STPG2: variants seen among roughly 807,000 people sequenced by gnomAD.
STPG2 encodes the protein sperm-tail PG-rich repeat-containing protein 2.
In STPG2, 56 loss-of-function variants were observed where a neutral mutation model predicts 54.2. The observed-to-expected ratio is 1.03, with a 90% CI of 0.83 to 1.29. The LOEUF (loss-of-function observed/expected upper bound fraction) is 1.29. STPG2 is among the 50% of genes most tolerant of loss of function. The pLI, the probability that STPG2 is intolerant of heterozygous loss-of-function variation, is 0.00. For missense variants in STPG2, 596 were observed against 544.9 expected, an observed-to-expected ratio of 1.09 and a Z score of -0.93; for synonymous variants, 200 against 181.8, an observed-to-expected ratio of 1.10 and a Z score of -0.81.
At chr4:97,905,388 T>C (rs1246724255) in intron 8 of STPG2, among the ~76,000 whole-genome samples, 1 of 151,660 alleles carries the variant, frequency 6.6e-6, no homozygotes, top group Non-Finnish European at 1.5e-5. Flanking sequence ...ATAAAATACT[T>C]TACAGACAAG....
intron 9 of STPG2, among the ~76,000 whole-genome samples, chr4:97,744,232 T>G (rs1163126116): frequency 1.3e-5 from 2 of 151,392 alleles, no homozygotes; most frequent in Non-Finnish European, 3.0e-5. Flanking sequence ...CCTATAAAAA[T>G]AATTTCATTT....
intron 5 of STPG2, among the ~76,000 whole-genome samples, chr4:98,021,564 G>A (rs894169681): frequency 2.0e-5 from 3 of 151,958 alleles, no homozygotes; most frequent in African/African-American, 7.3e-5. Flanking sequence ...TTAATTCCTG[G>A]GTATCCTTGT....
intron 10 of STPG2, among the ~76,000 whole-genome samples, chr4:97,671,348 G>T (rs1042606320): frequency 6.6e-6 from 1 of 152,174 alleles, no homozygotes; most frequent in Non-Finnish European, 1.5e-5. Flanking sequence ...ACAGGCAACA[G>T]CAATATATGG....
intron 9 of STPG2, among the ~76,000 whole-genome samples, chr4:97,791,296 T>C (rs1021510591): frequency 5.3e-5 from 8 of 152,184 alleles, no homozygotes; most frequent in Admixed American, 1.3e-4. Flanking sequence ...GAATTTAATT[T>C]AATTTCTACA....
At chr4:97,831,586 C>T (rs1728464159) in intron 9 of STPG2, among the ~76,000 whole-genome samples, 1 of 152,062 alleles carries the variant, frequency 6.6e-6, no homozygotes, top group Non-Finnish European at 1.5e-5. Context: ...AATCCAGGAG[C>T]TGCTTTTTTG....
At chr4:97,964,762 A>G (rs529548887) in intron 7 of STPG2, among the ~76,000 whole-genome samples, 52 of 152,274 alleles carry the variant, frequency 3.4e-4, no homozygotes, top group African/African-American at 1.1e-3. Flanking sequence ...CACACTATAC[A>G]TCTTAAAACT....
At chr4:98,071,104 G>C (rs976309086) in intron 5 of STPG2, among the ~76,000 whole-genome samples, 11 of 151,710 alleles carry the variant, frequency 7.3e-5, no homozygotes, top group Non-Finnish European at 1.3e-4. Context: ...AGCCCAAATA[G>C]CCAAAGAAAT....
rs566714211 is a variant in STPG2, at chr4:97,967,882, T to C, written c.933+4398A>G. On this transcript the variant is annotated intron_variant, in intron 7 of 10. Coordinates refer to ENST00000295268, the MANE Select transcript of STPG2 (RefSeq NM_174952.3). The stretch of plus-strand genomic sequence containing the variant: ...GCAGGGTGTAGAGGGAAATTTATAC[T>C]ACTAAATGCCCACAAGAGAAAGCAG... Among the ~76,000 whole-genome samples, 8 of 152,160 alleles carry C rather than the reference T, an allele frequency of 5.3e-5. No individual in the cohort carries two copies. The South Asian group carries it at 1.5e-3, about 28-fold the overall frequency.
chr4:97,963,184 C>CAAAA (rs1553929363), intron 7 of STPG2, among the ~76,000 whole-genome samples: 10 of 150,506 alleles, frequency 6.6e-5, no homozygotes, highest in Admixed American at 1.3e-4. Flanking sequence ...AACAAACAAA[C>CAAAA]AAAAAAACAA....
At chr4:97,644,217 G>A (rs1454041532) in intron 10 of STPG2, among the ~76,000 whole-genome samples, 1 of 151,736 alleles carries the variant, frequency 6.6e-6, no homozygotes, top group Non-Finnish European at 1.5e-5. Context: ...GTACCTGAGT[G>A]ACATATTTCT....
intron 8 of STPG2, among the ~76,000 whole-genome samples, chr4:97,857,087 G>A (rs1014129581): frequency 5.9e-5 from 9 of 152,098 alleles, no homozygotes; most frequent in Non-Finnish European, 8.8e-5. Context: ...TTTTGTTATC[G>A]ATGTTCACCA....
chr4:98,140,830 G>T (rs921758619), intron 1 of STPG2, among the ~76,000 whole-genome samples: 1 of 152,110 alleles, frequency 6.6e-6, no homozygotes, highest in Admixed American at 6.5e-5. Context: ...TTAAAAAGAA[G>T]AGAAAAACAA....
At chr4:98,013,077 G>C (rs565740156) in intron 5 of STPG2, among the ~76,000 whole-genome samples, 2 of 152,140 alleles carry the variant, frequency 1.3e-5, no homozygotes, top group Non-Finnish European at 2.9e-5. Flanking sequence ...GTATGATACT[G>C]GCTGTTGGTT....
At chr4:97,691,966 C>T (rs1180427267) in intron 10 of STPG2, among the ~76,000 whole-genome samples, 1 of 152,114 alleles carries the variant, frequency 6.6e-6, no homozygotes, top group Non-Finnish European at 1.5e-5. Context: ...AAAGCCCCAT[C>T]CCTGGGGAAA....
At chr4:97,711,529 C>T (rs372269092) in intron 10 of STPG2, among the ~76,000 whole-genome samples, 2 of 152,100 alleles carry the variant, frequency 1.3e-5, no homozygotes, top group South Asian at 4.1e-4. Flanking sequence ...AACCAGCAGG[C>T]ATTAGTCTTT....
chr4:98,125,483 C>T (rs950497386), intron 3 of STPG2, among the ~76,000 whole-genome samples: 3 of 152,148 alleles, frequency 2.0e-5, no homozygotes, highest in Non-Finnish European at 4.4e-5. Flanking sequence ...GTCCCTCCCC[C>T]ACCTGGAGGC....
chr4:97,741,761 T>C lies in STPG2; in HGVS notation c.1205-28947A>G, dbSNP rs1725244204. Reference sequence around the variant, plus strand: ...AGAAATAGGAACACTTTTACACTGTTGGTGGGACTGTAAACTAGTTCAACC... The same window carrying C: ...AGAAATAGGAACACTTTTACACTGTCGGTGGGACTGTAAACTAGTTCAACC... On this transcript the variant is annotated intron_variant, in intron 9 of 10. Coordinates refer to ENST00000295268, the MANE Select transcript of STPG2 (RefSeq NM_174952.3). 5.3e-5 allele frequency among the ~76,000 whole-genome samples: 8 copies of C among 151,832 alleles called. No individual in the cohort carries two copies. In the South Asian group the frequency reaches 1.4e-3, roughly 28 times the overall value.
chr4:98,047,660 A>G (rs1191730678), intron 5 of STPG2, among the ~76,000 whole-genome samples: 1 of 152,164 alleles, frequency 6.6e-6, no homozygotes, highest in Non-Finnish European at 1.5e-5. Flanking sequence ...TAAAAGTTGG[A>G]GCACTCAATA....
intron 4 of STPG2, among the ~76,000 whole-genome samples, chr4:97,530,224 T>C (rs964830469): frequency 6.6e-6 from 1 of 152,228 alleles, no homozygotes; most frequent in Non-Finnish European, 1.5e-5. Context: ...CTTGGAATCC[T>C]CTGTTGAATT....
Sources: allele counts gnomAD v4.1 joint callset (sites outside exome capture counted in the v4.1 genomes callset), GRCh38; gene constraint gnomAD v4.1.1; transcripts MANE v1.5; gene names NCBI Gene and HGNC (gene_info 2026-07-23, HGNC 2026-07-21).